NAV3: variants seen among roughly 807,000 people sequenced by gnomAD.
NAV3 encodes the protein neuron navigator 3, also known as pore membrane and/or filament interacting like protein 1.
In NAV3, 87 loss-of-function variants were observed where a neutral mutation model predicts 244.7. The observed-to-expected ratio is 0.36, with a 90% CI of 0.30 to 0.42. The LOEUF (loss-of-function observed/expected upper bound fraction) is 0.42, where lower values mean the gene tolerates loss of function less well. NAV3 is among the 20% of genes least tolerant of loss of function. The pLI, the probability that NAV3 is intolerant of heterozygous loss-of-function variation, is 1.00. For synonymous variants in NAV3, 1,126 were observed against 1,042.2 expected (o/e 1.08, Z -1.55); for missense variants, 2,663 against 2,893.3 (o/e 0.92, Z 1.83).
chr12:77,745,530 G>A (rs1868491712), intron 2 of NAV3, among the ~76,000 whole-genome samples: 1 of 152,172 alleles, frequency 6.6e-6, no homozygotes, highest in South Asian at 2.1e-4. Context: ...AGAGAAAGGA[G>A]ATAGTAAGAC....
chr12:77,730,790 A>G (rs937687874), intron 2 of NAV3, among the ~76,000 whole-genome samples: 7 of 151,336 alleles, frequency 4.6e-5, no homozygotes, highest in Admixed American at 4.6e-4. Flanking sequence ...TTTTTAAAGA[A>G]GACAAAAAAG....
At chr12:77,835,054 G>A (rs1022263478) in intron 1 of NAV3, among the ~76,000 whole-genome samples, 1 of 135,074 alleles carries the variant, frequency 7.4e-6, no homozygotes, top group Non-Finnish European at 1.6e-5. Context: ...AGCAGTCCAT[G>A]TATGGCTGGT....
chr12:78,041,599 G>T (rs1426571600), intron 9 of NAV3, among the ~76,000 whole-genome samples: 1 of 152,146 alleles, frequency 6.6e-6, no homozygotes, highest in African/African-American at 2.4e-5. Context: ...ACTGGAAGGA[G>T]CCATCTCTTA....
intron 12 of NAV3, among the ~76,000 whole-genome samples, chr12:78,108,315 A>G (rs1164135287): frequency 6.6e-6 from 1 of 152,182 alleles, no homozygotes; most frequent in African/African-American, 2.4e-5. Flanking sequence ...CAAAGCAAAT[A>G]TTAGACCTAA....
At chr12:78,199,660 T>TC (rs398116636) in intron 37 of NAV3, 129 bp downstream of exon 37, 1 of 653,352 alleles carries the variant, frequency 1.5e-6, no homozygotes, top group Non-Finnish European at 2.4e-6. Flanking sequence ...TTTATTTTTT[T>TC]CCCTTCTGAA....
chr12:77,888,534 TG>T (rs1042163910), intron 1 of NAV3, among the ~76,000 whole-genome samples: 70 of 152,292 alleles, frequency 4.6e-4, no homozygotes, highest in African/African-American at 1.6e-3. Flanking sequence ...TGGCTGATTT[TG>T]TTTTTGAAAT....
chr12:77,595,733 AT>A (rs1467894955), intron 2 of NAV3, among the ~76,000 whole-genome samples: 8 of 152,200 alleles, frequency 5.3e-5, no homozygotes, highest in Admixed American at 1.3e-4. Context: ...TAGATTTTAA[AT>A]GACTATTGAG....
In NAV3 at chr12:77,945,326, T is replaced by C. The variant is rs112491131; in HGVS notation, c.414+4193T>C. Among the ~76,000 whole-genome samples the C allele has an allele frequency of 9.8e-4, 149 of 152,248 alleles. 1 individual carries two copies. Among genetic ancestry groups the C allele is most frequent in the African/African-American group, 2.9e-3 (121 of 41,542 alleles). ...TGGAAGATTTGATATTGGAAAACAATAGGGATACATTTGTTTCTGTATCAT... is the reference window on the plus strand; with the variant it reads ...TGGAAGATTTGATATTGGAAAACAACAGGGATACATTTGTTTCTGTATCAT... On this transcript the variant is annotated intron_variant, in intron 3 of 39. Transcript: ENST00000397909.
At chr12:78,023,728 A>T (rs893564168) in intron 9 of NAV3, among the ~76,000 whole-genome samples, 4 of 152,194 alleles carry the variant, frequency 2.6e-5, no homozygotes, top group Non-Finnish European at 5.9e-5. Flanking sequence ...TAGATGAGGA[A>T]ATATGAGCAG....
chr12:77,821,498 A>G (rs549151291), intron 2 of NAV3, among the ~76,000 whole-genome samples: 1 of 152,314 alleles, frequency 6.6e-6, no homozygotes, highest in Admixed American at 6.5e-5. Flanking sequence ...CAATGGTTAC[A>G]TGGTGCTTGG....
chr12:77,992,140 A>G (rs1404496195), intron 5 of NAV3, among the ~76,000 whole-genome samples: 1 of 152,146 alleles, frequency 6.6e-6, no homozygotes, highest in Non-Finnish European at 1.5e-5. Flanking sequence ...TGCTTCCTTC[A>G]CCTATAATTT....
chr12:77,889,035 T>C (rs1455827516), intron 1 of NAV3, among the ~76,000 whole-genome samples: 1 of 152,198 alleles, frequency 6.6e-6, no homozygotes, highest in African/African-American at 2.4e-5. Flanking sequence ...ATGGTTAGCA[T>C]CCACCTTTTG....
chr12:78,071,903 A>C (rs1021867231), intron 12 of NAV3, among the ~76,000 whole-genome samples: 1 of 152,304 alleles, frequency 6.6e-6, no homozygotes, highest in Admixed American at 6.5e-5. Context: ...GCTCAACTAC[A>C]TGGAAACTGA....
intron 9 of NAV3, among the ~76,000 whole-genome samples, chr12:78,030,820 T>C (rs140556580): frequency 6.6e-6 from 1 of 152,308 alleles, no homozygotes; most frequent in African/African-American, 2.4e-5. Flanking sequence ...GACATGCATA[T>C]TGTAGAATTC....
intron 39 of NAV3, 44 bp downstream of exon 39, chr12:78,205,182 A>C (rs1171161071): frequency 6.4e-7 from 1 of 1,555,198 alleles, no homozygotes; most frequent in Non-Finnish European, 8.8e-7. Context: ...TCTTGACTAC[A>C]GTGTATAGTC....
intron 3 of NAV3, among the ~76,000 whole-genome samples, chr12:77,945,874 G>T (rs1890287493): frequency 6.6e-6 from 1 of 151,524 alleles, no homozygotes. Context: ...TCAGCCTCCT[G>T]AGTAGCTGGG....
chr12:78,160,394 TGTGTGCGTGC>T (rs1957481719), intron 23 of NAV3, among the ~76,000 whole-genome samples: 1 of 85,982 alleles, frequency 1.2e-5, no homozygotes, highest in South Asian at 6.0e-4. Flanking sequence ...TGTGTGTGTG[TGTGTGCGTGC>T]GTGTGTGTGT....
intron 8 of NAV3, 121 bp from the exon 9 acceptor site, chr12:78,021,626 C>A: frequency 1.6e-6 from 1 of 632,858 alleles, no homozygotes; most frequent in Non-Finnish European, 2.8e-6. Context: ...ACATTCCAGT[C>A]ATAAAGAAAT....
chr12:77,878,742 G>A (rs148414101), intron 1 of NAV3, among the ~76,000 whole-genome samples: 20 of 149,206 alleles, frequency 1.3e-4, no homozygotes, highest in Admixed American at 4.0e-4. Flanking sequence ...GGTGCCAGGT[G>A]AGCTTAGACA....
Sources: allele counts gnomAD v4.1 joint callset (sites outside exome capture counted in the v4.1 genomes callset), GRCh38; gene constraint gnomAD v4.1.1; transcripts MANE v1.5; gene names NCBI Gene and HGNC (gene_info 2026-07-23, HGNC 2026-07-21).